Variants in SLC9C1 observed in about 807,000 individuals in gnomAD.
The protein encoded by SLC9C1 is sodium/hydrogen exchanger 10.
In SLC9C1, 97 loss-of-function variants were observed where a neutral mutation model predicts 140.9. That is an observed-to-expected ratio of 0.69 (90% CI 0.58 to 0.82). SLC9C1 has a LOEUF of 0.82. SLC9C1 is among the 40% of genes least tolerant of loss of function. The probability of loss-of-function intolerance (pLI) is 0.00; values close to 1 mark genes in which losing one functional copy is unlikely to be tolerated. For synonymous variants in SLC9C1, 440 were observed against 442.6 expected, an observed-to-expected ratio of 0.99 and a Z score of 0.07; for missense variants, 1,340 against 1,389.3, an observed-to-expected ratio of 0.96 and a Z score of 0.56.
intron 16 of SLC9C1, among the ~76,000 whole-genome samples, chr3:112,205,006 C>T (rs2078006868): frequency 6.6e-6 from 1 of 152,074 alleles, no homozygotes; most frequent in South Asian, 2.1e-4. Context: ...ATTCGATGCC[C>T]TCTCTCACCA....
chr3:112,201,721 C>T (rs1220065781), intron 18 of SLC9C1, among the ~76,000 whole-genome samples: 3 of 152,034 alleles, frequency 2.0e-5, no homozygotes, highest in African/African-American at 7.2e-5. Context: ...TCCTTTTTCT[C>T]ATCTGCATAA....
At chr3:112,217,826 A>G (rs1303231313) in intron 14 of SLC9C1, among the ~76,000 whole-genome samples, 1 of 152,230 alleles carries the variant, frequency 6.6e-6, no homozygotes, top group East Asian at 1.9e-4. Flanking sequence ...GATAGAAAAC[A>G]TACTATGTTT....
rs141789349 is a variant in SLC9C1, at chr3:112,140,908, A to C, written c.*364T>G. ...GGATCAAGAACAGCATTTAAACTATATTTTAATACATTTTATTTTTCATAA... is the reference window on the plus strand; with the variant it reads ...GGATCAAGAACAGCATTTAAACTATCTTTTAATACATTTTATTTTTCATAA... On this transcript the variant is annotated 3_prime_UTR_variant, in exon 29 of 29. Coordinates refer to ENST00000305815, the MANE Select transcript of SLC9C1 (RefSeq NM_183061.3). 203 of 170,516 alleles carry C rather than the reference A, an allele frequency of 1.2e-3. 1 individual carries two copies. The South Asian group carries it at 0.012, about 10-fold the overall frequency. The allele number at this position is 170,516 out of a possible 1,614,324, so 10.6% of individuals were successfully genotyped here.
chr3:112,252,216 T>C (rs984717712), intron 10 of SLC9C1, among the ~76,000 whole-genome samples: 1 of 152,170 alleles, frequency 6.6e-6, no homozygotes, highest in Non-Finnish European at 1.5e-5. Flanking sequence ...GACTAGGGAC[T>C]GGAAAAGTCC....
chr3:112,213,434 C>A (rs994664565), intron 15 of SLC9C1, among the ~76,000 whole-genome samples: 3 of 151,972 alleles, frequency 2.0e-5, no homozygotes, highest in African/African-American at 7.3e-5. Context: ...GAGTCAAGAC[C>A]CATCAGTGTT....
At chr3:112,204,433 ATGTT>A (rs1242695403) in intron 16 of SLC9C1, 30 bp from the exon 17 acceptor site, 1 of 1,533,868 alleles carries the variant, frequency 6.5e-7, no homozygotes, top group Non-Finnish European at 8.7e-7. Context: ...TTACATTATC[ATGTT>A]TGTTTCTGCT....
chr3:112,200,710 C>T lies in SLC9C1; in HGVS notation c.2374+1G>A. 1 of 1,607,572 alleles carries T rather than the reference C, an allele frequency of 6.2e-7. No homozygotes were observed. Among genetic ancestry groups the T allele is most frequent in the South Asian group, 1.1e-5 (1 of 89,928 alleles). On this transcript the variant is annotated splice_donor_variant, in intron 19 of 28. Transcript: ENST00000305815. LOFTEE classifies it high-confidence loss of function. ...TGCTAAATAGGATGAGAGCTACTTACCTAGCTCTTTTATAGCATGTTCCAT... is the reference window on the plus strand; with the variant it reads ...TGCTAAATAGGATGAGAGCTACTTATCTAGCTCTTTTATAGCATGTTCCAT...
At chr3:112,222,365 A>T (rs1431976218) in intron 13 of SLC9C1, among the ~76,000 whole-genome samples, 1 of 152,166 alleles carries the variant, frequency 6.6e-6, no homozygotes, top group Non-Finnish European at 1.5e-5. Flanking sequence ...AACTTGGAAG[A>T]TATTAAGTGA....
At position 112,204,297 on chromosome 3, in the gene SLC9C1, A is replaced by C. The variant is rs1474321096; in HGVS notation, c.2093T>G (p.Ile698Ser). The C allele has an allele frequency of 6.4e-7, 1 of 1,563,358 alleles. No individual in the cohort carries two copies. The highest frequency in any genetic ancestry group is 8.6e-7 in the Non-Finnish European group (1 of 1,161,934). The change falls in exon 17 of 29, where the codon ATT (isoleucine) becomes AGT (serine). Residue 698 changes from isoleucine (I) to serine (S), a missense_variant. Physicochemically the swap from Ile to Ser is moderately radical, Grantham distance 142. Coordinates refer to ENST00000305815, the MANE Select transcript of SLC9C1 (RefSeq NM_183061.3). ...LHVILIEIDT[I>S]KYIFNETEVI... ...TTCAGTCTCATTAAAAATATACTTAATGGTGTCTATTTCAATAAGTATTAC... is the reference window on the plus strand; with the variant it reads ...TTCAGTCTCATTAAAAATATACTTACTGGTGTCTATTTCAATAAGTATTAC...
Position 112,141,194 on chromosome 3 carries a change from T to C in SLC9C1, c.*78A>G, listed in dbSNP as rs557761770. On this transcript the variant is annotated 3_prime_UTR_variant, in exon 29 of 29. Transcript: ENST00000305815. ...CCAACCTGAAGTTACTCCTTCTTGA[T>C]GTAGGGAAGTGTGTTTCTGCAGCAG... 7.2e-7 allele frequency: 1 copy of C among 1,397,420 alleles called. No individual in the cohort carries two copies. Among genetic ancestry groups the C allele is most frequent in the East Asian group, 2.7e-5 (1 of 37,686 alleles). The allele number at this position is 1,397,420 out of a possible 1,614,324, so 86.6% of individuals were successfully genotyped here.
chr3:112,289,465 A>G (rs2108373462), intron 1 of SLC9C1, among the ~76,000 whole-genome samples: 1 of 152,320 alleles, frequency 6.6e-6, no homozygotes, highest in Admixed American at 6.5e-5. Flanking sequence ...TACAGCTGTG[A>G]TGGGCACAGA....
chr3:112,274,227 A>G (rs1220139365), intron 6 of SLC9C1, among the ~76,000 whole-genome samples: 1 of 152,088 alleles, frequency 6.6e-6, no homozygotes, highest in Non-Finnish European at 1.5e-5. Context: ...GCTTCTAGGG[A>G]TGGTGGTAAC....
At chr3:112,268,802 T>C (rs1001731151) in intron 7 of SLC9C1, among the ~76,000 whole-genome samples, 4 of 152,224 alleles carry the variant, frequency 2.6e-5, no homozygotes, top group African/African-American at 9.6e-5. Flanking sequence ...ATTGTCTTAT[T>C]CCTAAATGTA....
At chr3:112,158,968 A>G (rs1318493778) in intron 26 of SLC9C1, among the ~76,000 whole-genome samples, 1 of 151,612 alleles carries the variant, frequency 6.6e-6, no homozygotes, top group Non-Finnish European at 1.5e-5. Context: ...TATTTTTGCC[A>G]ACTTTTAAAA....
intron 12 of SLC9C1, among the ~76,000 whole-genome samples, chr3:112,238,486 T>C (rs1425881106): frequency 6.6e-6 from 1 of 152,230 alleles, no homozygotes; most frequent in African/African-American, 2.4e-5. Flanking sequence ...CCAGCTTTTT[T>C]CTGTTGCTGG....
Position 112,239,348 on chromosome 3 carries a change from T to A in SLC9C1, c.1446+492A>T, listed in dbSNP as rs557626180. Among the ~76,000 whole-genome samples the A allele has an allele frequency of 3.3e-5, 5 of 152,330 alleles. No individual in the cohort carries two copies. The East Asian group carries it at 9.7e-4, about 29-fold the overall frequency. ...GAGTGACCCAATTTTCGAGGTGCCA[T>A]CTGTCACAGCTTTGCTTGGCTACGA... On this transcript the variant is annotated intron_variant, in intron 12 of 28. Coordinates refer to ENST00000305815, the MANE Select transcript of SLC9C1 (RefSeq NM_183061.3).
At chr3:112,178,932 A>G (rs1017102827) in intron 23 of SLC9C1, among the ~76,000 whole-genome samples, 1 of 152,234 alleles carries the variant, frequency 6.6e-6, no homozygotes, top group Non-Finnish European at 1.5e-5. Context: ...AGGCAAGATA[A>G]ATGTTTACTT....
At chr3:112,272,224 G>A (rs112283462) in intron 6 of SLC9C1, among the ~76,000 whole-genome samples, 18 of 152,282 alleles carry the variant, frequency 1.2e-4, no homozygotes, top group African/African-American at 3.9e-4. Context: ...TCTGGAGTTC[G>A]AAGACCCCAG....
intron 13 of SLC9C1, among the ~76,000 whole-genome samples, chr3:112,224,279 C>T (rs2078620486): frequency 6.6e-6 from 1 of 152,086 alleles, no homozygotes; most frequent in African/African-American, 2.4e-5. Flanking sequence ...GCTAATGCAC[C>T]CTACCCAACT....
Sources: gnomAD v4.1 joint callset for allele counts (sites outside exome capture counted in the v4.1 genomes callset) on GRCh38, gnomAD v4.1.1 for gene constraint, MANE v1.5 for transcripts, NCBI Gene and HGNC (gene_info 2026-07-23, HGNC 2026-07-21) for gene names.